DRD3: variants seen among roughly 807,000 people sequenced by gnomAD.
DRD3 encodes dopamine receptor D3.
Under a neutral mutation model 36.3 loss-of-function variants are expected in DRD3, and 19 were observed. The ratio of observed to expected loss-of-function variants is 0.52; its 90% CI spans 0.36 to 0.77. The LOEUF is 0.77. Among genes scored for constraint, DRD3 ranks in the 30% least tolerant of loss-of-function variants. The pLI is 0.00. For synonymous variants in DRD3, 195 were observed against 203.7 expected (o/e 0.96, Z 0.36); for missense variants, 465 against 505.3 (o/e 0.92, Z 0.77).
intron 2 of DRD3, among the ~76,000 whole-genome samples, chr3:114,168,605 A>G (rs1284217776): frequency 6.6e-6 from 1 of 150,912 alleles, no homozygotes; most frequent in South Asian, 2.1e-4. Context: ...TACCCATCCT[A>G]TTTTTGAATA....
At chr3:114,177,401 A>G (rs528307837) in intron 1 of DRD3, among the ~76,000 whole-genome samples, 25 of 152,178 alleles carry the variant, frequency 1.6e-4, no homozygotes, top group Non-Finnish European at 3.1e-4. Context: ...CTAAGATAAC[A>G]GTTTTTTCCC....
rs773155645 is a variant in DRD3 at position 114,147,599 on chromosome 3, A to C, written c.384-42T>G. The C allele has an allele frequency of 2.5e-6, 4 of 1,587,524 alleles. No individual in the cohort carries two copies. In the South Asian group the frequency reaches 4.5e-5, roughly 18 times the overall value. ...AGAGGGGATAGGCATGGTGAGATGGAATGGGGTACTTTTCTTTCTGCGTTG... is the reference window on the plus strand; with the variant it reads ...AGAGGGGATAGGCATGGTGAGATGGCATGGGGTACTTTTCTTTCTGCGTTG... On this transcript the variant is annotated intron_variant, in intron 3 of 6. Transcript: ENST00000383673.
At chr3:114,154,275 T>C (rs979121650) in intron 3 of DRD3, among the ~76,000 whole-genome samples, 1 of 152,194 alleles carries the variant, frequency 6.6e-6, no homozygotes, top group Non-Finnish European at 1.5e-5. Flanking sequence ...AAGGTCTCAG[T>C]ACCTTGCAGA....
chr3:114,137,003 G>A (rs2077480610), intron 5 of DRD3, among the ~76,000 whole-genome samples: 1 of 152,222 alleles, frequency 6.6e-6, no homozygotes, highest in African/African-American at 2.4e-5. Context: ...CCGTGTGCAA[G>A]AGTCATTGGC....
At chr3:114,191,987 T>C (rs77068130) in intron 1 of DRD3, among the ~76,000 whole-genome samples, 5,497 of 152,260 alleles carry the variant, frequency 0.036, 131 homozygotes, top group Admixed American at 0.066. Flanking sequence ...ATATCATCAC[T>C]TGTGTTTTGG....
At chr3:114,157,054 TTTC>T (rs1217233585) in intron 3 of DRD3, among the ~76,000 whole-genome samples, 1 of 150,986 alleles carries the variant, frequency 6.6e-6, no homozygotes, top group Non-Finnish European at 1.5e-5. Context: ...TTTTTTTTTC[TTTC>T]TTTCTTGTTG....
At chr3:114,144,979 T>G (rs2077558377) in intron 4 of DRD3, among the ~76,000 whole-genome samples, 1 of 152,196 alleles carries the variant, frequency 6.6e-6, no homozygotes, top group Non-Finnish European at 1.5e-5. Context: ...TTCATCATTC[T>G]TCTTCACTCT....
rs1046424787 is a variant in DRD3 at position 114,156,282 on chromosome 3, T to G, written c.383+3473A>C. Among the ~76,000 whole-genome samples, 52 of 152,310 alleles carry G rather than the reference T, an allele frequency of 3.4e-4. 1 individual carries two copies. Among genetic ancestry groups the G allele is most frequent in the African/African-American group, 1.2e-3 (51 of 41,564 alleles). ...TCCCCTGAGTTCCAGATCACATTAC[T>G]TCCTGGATAGTCCACTTGTTCCTAT... is the stretch of plus-strand genomic sequence containing the variant. On this transcript the variant is annotated intron_variant, in intron 3 of 6. Transcript: ENST00000383673.
intron 2 of DRD3, among the ~76,000 whole-genome samples, chr3:114,169,125 T>C (rs2077814879): frequency 6.6e-6 from 1 of 151,878 alleles, no homozygotes; most frequent in South Asian, 2.1e-4. Flanking sequence ...GTGAGAATAA[T>C]ACTTTGCTTC....
intron 3 of DRD3, among the ~76,000 whole-genome samples, chr3:114,156,408 T>A (rs909705489): frequency 6.6e-6 from 1 of 152,180 alleles, no homozygotes; most frequent in Non-Finnish European, 1.5e-5. Flanking sequence ...GTGTTCTGTT[T>A]GACTCCTTTC....
chr3:114,154,931 C>G (rs76139936), intron 3 of DRD3, among the ~76,000 whole-genome samples: 1 of 152,178 alleles, frequency 6.6e-6, no homozygotes, highest in East Asian at 1.9e-4. Flanking sequence ...GCTTGTGCTC[C>G]GAGGACTTCC....
At chr3:114,192,851 T>C (rs889530681) in intron 1 of DRD3, among the ~76,000 whole-genome samples, 9 of 152,242 alleles carry the variant, frequency 5.9e-5, no homozygotes, top group Admixed American at 2.0e-4. Flanking sequence ...GAAACACTTA[T>C]AGCAATTTGA....
At chr3:114,143,618 T>A (rs1189329894) in intron 4 of DRD3, among the ~76,000 whole-genome samples, 2 of 152,224 alleles carry the variant, frequency 1.3e-5, no homozygotes, top group Non-Finnish European at 2.9e-5. Flanking sequence ...GATTTTAGGA[T>A]GGGCCTGTTA....
intron 2 of DRD3, among the ~76,000 whole-genome samples, chr3:114,166,735 T>C (rs1362557318): frequency 3.3e-5 from 5 of 152,252 alleles, no homozygotes; most frequent in Non-Finnish European, 5.9e-5. Flanking sequence ...GCATAAGAAG[T>C]ATGGAGGAGC....
intron 1 of DRD3, among the ~76,000 whole-genome samples, chr3:114,177,332 G>A (rs1318603429): frequency 2.0e-5 from 3 of 152,018 alleles, no homozygotes; most frequent in Non-Finnish European, 4.4e-5. Context: ...TTATGTATTT[G>A]GGCACATTTA....
chr3:114,191,572 A>G (rs904526333), intron 1 of DRD3, among the ~76,000 whole-genome samples: 6 of 152,186 alleles, frequency 3.9e-5, no homozygotes, highest in Non-Finnish European at 7.3e-5. Context: ...CAGAGAAATG[A>G]TGTATTTGAT....
chr3:114,171,738 C>T lies in DRD3; in HGVS notation c.255G>A (p.Trp85Ter). 1 of 1,607,140 alleles carries T rather than the reference C, an allele frequency of 6.2e-7. No homozygotes were observed. Among genetic ancestry groups the T allele is most frequent in the Non-Finnish European group, 8.5e-7 (1 of 1,176,344 alleles). ...DLLVATLVMPWVVYLEVTGGV... is the reference protein window; with the variant it reads ...DLLVATLVMP ...GTCTACTCACCTCCAGGTATACCAC[C>T]CAGGGCATCACCAAGGTGGCCACCA... The change falls in exon 2 of 7, where the codon TGG (tryptophan) becomes TGA (stop). Residue 85 changes from tryptophan to a stop codon, truncating the protein, a stop_gained. Transcript: ENST00000383673. LOFTEE classifies it high-confidence loss of function.
At chr3:114,138,443 C>A (rs933171200) in intron 5 of DRD3, among the ~76,000 whole-genome samples, 1 of 152,082 alleles carries the variant, frequency 6.6e-6, no homozygotes, top group African/African-American at 2.4e-5. Flanking sequence ...TGGCAGCAGA[C>A]AAGAGAAAAT....
chr3:114,161,715 G>C (rs1282712750), intron 2 of DRD3, among the ~76,000 whole-genome samples: 1 of 152,160 alleles, frequency 6.6e-6, no homozygotes, highest in Non-Finnish European at 1.5e-5. Context: ...TTAAAAGATT[G>C]AGACATAAGA....
Sources: gnomAD v4.1 joint callset for allele counts (sites outside exome capture counted in the v4.1 genomes callset) on GRCh38, gnomAD v4.1.1 for gene constraint, MANE v1.5 for transcripts, NCBI Gene and HGNC (gene_info 2026-07-23, HGNC 2026-07-21) for gene names.